ATRX: variants seen among roughly 807,000 people sequenced by gnomAD.
The protein encoded by ATRX is chromatin remodeler ATRX.
Under a neutral mutation model 172.6 loss-of-function variants are expected in ATRX, and 12 were observed. The observed-to-expected ratio is 0.07, with a 90% confidence interval of 0.04 to 0.11. The LOEUF is 0.11. Ranked by LOEUF, ATRX falls within the 10% of genes least tolerant of loss-of-function variation. The probability of loss-of-function intolerance (pLI) is 1.00; values close to 1 mark genes in which losing one functional copy is unlikely to be tolerated. For synonymous variants in ATRX, 674 were observed against 594.7 expected (o/e 1.13, Z -1.94); for missense variants, 1,368 against 1,767.4 (o/e 0.77, Z 4.05).
chrX:77,762,643 G>GA (rs1202783318), intron 1 of ATRX, among the ~76,000 whole-genome samples: 1 of 110,529 alleles, frequency 9.0e-6, no homozygotes, highest in East Asian at 2.8e-4. Flanking sequence ...AATTTACTTT[G>GA]AAATGAATAA....
rs375294189 is a variant in ATRX at position 77,771,308 on chromosome X, G to A, written c.20+14674C>T. On this transcript the variant is annotated intron_variant, in intron 1 of 34. Transcript: ENST00000373344. ...GAAGAATCACTTAAACCCAGAAGGC[G>A]GAGGTTGCAGTGAGCCGAGTGAGGC... Among the ~76,000 whole-genome samples the A allele has an allele frequency of 7.7e-3, 829 of 108,115 alleles. 9 individuals are homozygous for A. Among genetic ancestry groups the A allele is most frequent in the African/African-American group, 0.026 (771 of 29,568 alleles). The allele number at this position is 108,115 out of a possible 115,157, so 93.9% of individuals were successfully genotyped here.
intron 1 of ATRX, among the ~76,000 whole-genome samples, chrX:77,779,178 C>T (rs1311978017): frequency 1.0e-5 from 1 of 98,768 alleles, no homozygotes; most frequent in African/African-American, 3.8e-5. Flanking sequence ...CTCCTGACCT[C>T]GTGATCCACC....
intron 1 of ATRX, among the ~76,000 whole-genome samples, chrX:77,780,184 T>C (rs782368713): frequency 1.7e-4 from 19 of 111,785 alleles, no homozygotes; most frequent in African/African-American, 5.8e-4. Context: ...AAAACACCTG[T>C]AACCTAACCA....
intron 2 of ATRX, among the ~76,000 whole-genome samples, chrX:77,708,534 C>T (rs1458903955): frequency 9.0e-6 from 1 of 111,000 alleles, no homozygotes; most frequent in African/African-American, 3.3e-5. Flanking sequence ...TGGTGGCGCA[C>T]GCCTATAATC....
chrX:77,618,703 G>T, intron 21 of ATRX, 103 bp downstream of exon 21: 1 of 832,776 alleles, frequency 1.2e-6, no homozygotes, highest in Non-Finnish European at 1.8e-6. Context: ...CTGAAAGAGC[G>T]GGAAAGAAAA....
At chrX:77,558,265 T>C (rs1056428534) in intron 29 of ATRX, among the ~76,000 whole-genome samples, 7 of 109,644 alleles carry the variant, frequency 6.4e-5, no homozygotes, top group African/African-American at 2.3e-4. Flanking sequence ...TAAAAGAAAA[T>C]TGAATAAATA....
intron 25 of ATRX, chrX:77,595,970 A>T (rs782676022): frequency 1.8e-5 from 2 of 111,660 alleles, no homozygotes; most frequent in African/African-American, 3.2e-5. Context: ...AGTAATTTAC[A>T]TAGTCATTTC....
At chrX:77,531,356 A>T (rs2063569288) in intron 30 of ATRX, among the ~76,000 whole-genome samples, 1 of 112,270 alleles carries the variant, frequency 8.9e-6, no homozygotes, top group African/African-American at 3.2e-5. Flanking sequence ...CTTGATGAAC[A>T]TTGATGCAAA....
intron 28 of ATRX, among the ~76,000 whole-genome samples, chrX:77,566,288 A>C (rs782041877): frequency 2.7e-5 from 3 of 111,826 alleles, no homozygotes; most frequent in Non-Finnish European, 5.6e-5. Context: ...TAAGGGGGGA[A>C]AAACAATTCA....
chrX:77,505,129 A>T lies in ATRX; in HGVS notation c.*3222T>A, dbSNP rs1325827406. Reference sequence around the variant, plus strand: ...GAACATAATTTTTAGTATAATAAACATGTAAAAGGATTGACCTGTTTTACT... The same window carrying T: ...GAACATAATTTTTAGTATAATAAACTTGTAAAAGGATTGACCTGTTTTACT... On this transcript the variant is annotated 3_prime_UTR_variant, in exon 35 of 35. Transcript: ENST00000373344. 1.2e-5 allele frequency: 2 copies of T among 170,704 alleles called. No individual in the cohort carries two copies. The highest frequency in any genetic ancestry group is 1.6e-4 in the Admixed American group (2 of 12,444). 14.1% of individuals were successfully genotyped at this position (170,704 alleles called of 1,213,427 possible). A position where few individuals can be genotyped will look rare whatever the true frequency, so the allele number is the denominator to read the frequency against.
At chrX:77,753,770 T>G (rs1261791853) in intron 1 of ATRX, among the ~76,000 whole-genome samples, 4 of 111,450 alleles carry the variant, frequency 3.6e-5, no homozygotes, top group Non-Finnish European at 7.5e-5. Flanking sequence ...AGTTGTGGGG[T>G]TTTGAGTGAA....
intron 31 of ATRX, 56 bp downstream of exon 31, chrX:77,523,196 T>C (rs1379417765): frequency 6.8e-6 from 8 of 1,180,593 alleles, no homozygotes; most frequent in Middle Eastern, 2.3e-4. Context: ...TTCTTCTTCA[T>C]TGCTCTTTCA....
chrX:77,527,287 C>T lies in ATRX; in HGVS notation c.6700-3886G>A, dbSNP rs782114505. Among the ~76,000 whole-genome samples, 3 of 111,735 alleles carry T rather than the reference C, an allele frequency of 2.7e-5. No individual in the cohort carries two copies. The South Asian group carries it at 1.1e-3, about 43-fold the overall frequency. ...GAAAAGGGGTGAATGAATCCAATAC[C>T]TTCAAATGAAATATCCAGGTTCTCA... On this transcript the variant is annotated intron_variant, in intron 30 of 34. Coordinates refer to ENST00000373344, the MANE Select transcript of ATRX (RefSeq NM_000489.6).
rs1256519166 is a variant in ATRX at position 77,676,127 on chromosome X, C to T, written c.3809+99G>A. ...GCGAGTCTTTCTAAGGCAGGCACTC[C>T]TGGTTTTTACAACCTGCTTGCTGTT... On this transcript the variant is annotated intron_variant, in intron 10 of 34. Transcript: ENST00000373344. 50 of 820,248 alleles carry T rather than the reference C, an allele frequency of 6.1e-5. No homozygotes were observed. In the South Asian group the frequency reaches 1.1e-3, roughly 17 times the overall value. 67.6% of individuals were successfully genotyped at this position (820,248 alleles called of 1,213,427 possible). A position where few individuals can be genotyped will look rare whatever the true frequency, so the allele number is the denominator to read the frequency against.
At chrX:77,715,768 A>T (rs1381833149) in intron 2 of ATRX, among the ~76,000 whole-genome samples, 3 of 111,347 alleles carry the variant, frequency 2.7e-5, no homozygotes, top group African/African-American at 9.8e-5. Flanking sequence ...ATCACTTTTT[A>T]AAAAATGCTC....
chrX:77,727,300 T>C (rs782349863), intron 1 of ATRX, among the ~76,000 whole-genome samples: 68 of 111,591 alleles, frequency 6.1e-4, no homozygotes, highest in African/African-American at 2.0e-3. Flanking sequence ...GAATTAGAAA[T>C]ACCATTTGAC....
At chrX:77,782,233 A>T (rs2076594472) in intron 1 of ATRX, among the ~76,000 whole-genome samples, 1 of 112,183 alleles carries the variant, frequency 8.9e-6, no homozygotes, top group Admixed American at 9.5e-5. Context: ...TTCACAGATA[A>T]CATTTTTCAA....
chrX:77,641,912 T>C (rs1557111397), intron 15 of ATRX, among the ~76,000 whole-genome samples: 1 of 111,620 alleles, frequency 9.0e-6, no homozygotes, highest in Non-Finnish European at 1.9e-5. Context: ...TTCCAAAAAT[T>C]TGATGGAAGC....
chrX:77,713,867 T>C (rs2148735338), intron 2 of ATRX, among the ~76,000 whole-genome samples: 1 of 111,743 alleles, frequency 8.9e-6, no homozygotes, highest in South Asian at 3.7e-4. Context: ...AAATTATCAA[T>C]GTGATGACAT....
Sources: allele counts gnomAD v4.1 joint callset (sites outside exome capture counted in the v4.1 genomes callset), GRCh38; gene constraint gnomAD v4.1.1; transcripts MANE v1.5; gene names NCBI Gene and HGNC (gene_info 2026-07-23, HGNC 2026-07-21).